SPANXN3: variants seen among roughly 807,000 people sequenced by gnomAD.
SPANXN3 encodes the protein sperm protein associated with the nucleus on the X chromosome N3.
Under a neutral mutation model 1.9 loss-of-function variants are expected in SPANXN3, and 1 was observed. The ratio of observed to expected loss-of-function variants is 0.54; its 90% CI spans 0.19 to 2.54. The LOEUF is 2.54. Ranked by LOEUF, SPANXN3 falls within the 30% of genes most tolerant of loss-of-function variation. The pLI is 0.24. For missense variants in SPANXN3, 113 were observed against 96.2 expected (o/e 1.17, Z -0.73); for synonymous variants, 47 against 40.0 (o/e 1.17, Z -0.66).
chrX:143,508,895 C>G lies in SPANXN3; in HGVS notation c.346G>C (p.Asp116His). ...EGPSKEDKDL[D>H]SSEGSSQEDE... is the part of the protein sequence containing the mutation. ...TCCTGTGAGGATCCTTCAGATGAGT[C>G]TAGATCTTTGTCCTCCTTTGAAGGT... Residue 116 changes from aspartate (D) to histidine (H), a missense_variant, in exon 2 of 2, where the codon GAC (aspartate) becomes CAC (histidine). Transcript: ENST00000370503. 1 of 1,211,699 alleles carries G rather than the reference C, an allele frequency of 8.3e-7. No individual in the cohort carries two copies. The highest frequency in any genetic ancestry group is 1.1e-6 in the Non-Finnish European group (1 of 895,421).
At position 143,517,430 on chromosome X, in the gene SPANXN3, G is replaced by T. The variant is rs782488830; in HGVS notation, c.-39C>A. On this transcript the variant is annotated 5_prime_UTR_variant, in exon 1 of 2. Transcript: ENST00000370503. ...TGTAGAATGTCTATAGTAGGCTCCT[G>T]TAGACTGCAGACTTCCACAGCTATG... 6.8e-6 allele frequency: 8 copies of T among 1,174,719 alleles called. No individual in the cohort carries two copies. The African/African-American group carries it at 1.4e-4, about 21-fold the overall frequency.
chrX:143,509,501 C>T, intron 1 of SPANXN3: 1 of 220,225 alleles, frequency 4.5e-6, no homozygotes, highest in Non-Finnish European at 8.2e-6. Flanking sequence ...AGAAACATCC[C>T]TATCATAAGT....
chrX:143,512,282 G>A (rs190624066), intron 1 of SPANXN3, among the ~76,000 whole-genome samples: 1 of 111,290 alleles, frequency 9.0e-6, no homozygotes, highest in Non-Finnish European at 1.9e-5. Flanking sequence ...TAATTCTAAA[G>A]CTTGGAATGT....
At chrX:143,513,480 G>A (rs1233954985) in intron 1 of SPANXN3, among the ~76,000 whole-genome samples, 5 of 111,719 alleles carry the variant, frequency 4.5e-5, no homozygotes, top group South Asian at 3.8e-4. Flanking sequence ...TTAGAGGCAC[G>A]GAAACTCCCT....
chrX:143,514,296 T>A (rs1556412161), intron 1 of SPANXN3, among the ~76,000 whole-genome samples: 1 of 110,237 alleles, frequency 9.1e-6, no homozygotes. Flanking sequence ...TTGATCTCAG[T>A]GATAAAGTGT....
intron 1 of SPANXN3, among the ~76,000 whole-genome samples, chrX:143,513,850 A>T (rs1198328632): frequency 8.9e-6 from 1 of 112,057 alleles, no homozygotes; most frequent in Admixed American, 9.4e-5. Flanking sequence ...ATAAACTCCT[A>T]GAATCCAATG....
intron 1 of SPANXN3, chrX:143,510,278 C>A (rs1361309584): frequency 9.0e-6 from 1 of 110,935 alleles, no homozygotes; most frequent in Admixed American, 9.6e-5. Flanking sequence ...AGAGGTCTCC[C>A]CAGTCACCAG....
rs1929027886 is a variant in SPANXN3, at chrX:143,509,031, A to G, written c.210T>C (p.Asn70=). Residue 70 remains asparagine (N), a synonymous_variant, in exon 2 of 2, where the codon AAT becomes AAC. Transcript: ENST00000370503. ...TGATGGAGTTCTCTTGGGACTGTTC[A>G]TTCTCCAGTTGATTTGAATTTATTT... The part of the protein sequence containing the change: ...GKKINSNQLE[N]EQSQENSINP... The G allele has an allele frequency of 8.3e-7, 1 of 1,211,742 alleles. No individual in the cohort carries two copies. The highest frequency in any genetic ancestry group is 1.8e-5 in the South Asian group (1 of 57,001).
chrX:143,517,404 T>C lies in SPANXN3; in HGVS notation c.-13A>G. Reference sequence around the variant, plus strand: ...TTGGCTGTTCCATGATTCTGGTTGGTTGTAGAATGTCTATAGTAGGCTCCT... The same window carrying C: ...TTGGCTGTTCCATGATTCTGGTTGGCTGTAGAATGTCTATAGTAGGCTCCT... On this transcript the variant is annotated 5_prime_UTR_variant, in exon 1 of 2. Transcript: ENST00000370503. The C allele has an allele frequency of 8.3e-7, 1 of 1,208,939 alleles. No homozygotes were observed. The highest frequency in any genetic ancestry group is 1.1e-6 in the Non-Finnish European group (1 of 893,000).
intron 1 of SPANXN3, among the ~76,000 whole-genome samples, chrX:143,511,617 A>G (rs375844154): frequency 1.3e-4 from 15 of 111,827 alleles, no homozygotes; most frequent in South Asian, 3.8e-4. Flanking sequence ...TCAAATGCTG[A>G]TAGCTGCCAC....
chrX:143,513,353 T>C (rs1929140617), intron 1 of SPANXN3, among the ~76,000 whole-genome samples: 1 of 112,257 alleles, frequency 8.9e-6, no homozygotes, highest in African/African-American at 3.2e-5. Context: ...CTGCCAAACA[T>C]ACGGCAACGC....
intron 1 of SPANXN3, among the ~76,000 whole-genome samples, chrX:143,510,946 A>G (rs149729460): frequency 0.036 from 3,949 of 110,824 alleles, 170 homozygotes; most frequent in African/African-American, 0.12. Context: ...AGGCCTTCCA[A>G]AGTCTTTCCC....
intron 1 of SPANXN3, among the ~76,000 whole-genome samples, chrX:143,514,650 G>A (rs1337547595): frequency 9.0e-6 from 1 of 111,013 alleles, no homozygotes; most frequent in Non-Finnish European, 1.9e-5. Context: ...CCACCGAAAA[G>A]GCACAGACCA....
At position 143,517,433 on chromosome X, in the gene SPANXN3, G is replaced by T; in HGVS notation, c.-42C>A. 1 of 1,176,730 alleles carries T rather than the reference G, an allele frequency of 8.5e-7. No individual in the cohort carries two copies. Among genetic ancestry groups the T allele is most frequent in the Non-Finnish European group, 1.2e-6 (1 of 864,709 alleles). On this transcript the variant is annotated 5_prime_UTR_variant, in exon 1 of 2. Coordinates refer to ENST00000370503, the MANE Select transcript of SPANXN3 (RefSeq NM_001009609.4). ...AGAATGTCTATAGTAGGCTCCTGTA[G>T]ACTGCAGACTTCCACAGCTATGTTG...
chrX:143,516,206 CA>C (rs1929212333), intron 1 of SPANXN3, among the ~76,000 whole-genome samples: 1 of 112,410 alleles, frequency 8.9e-6, no homozygotes, highest in African/African-American at 3.2e-5. Flanking sequence ...GGCAGCTATT[CA>C]ACTTGGAAAA....
intron 1 of SPANXN3, among the ~76,000 whole-genome samples, chrX:143,516,276 G>A (rs1929213671): frequency 8.9e-6 from 1 of 112,265 alleles, no homozygotes; most frequent in Non-Finnish European, 1.9e-5. Context: ...CTCATGGCTT[G>A]CCACCATAAC....
At chrX:143,515,276 G>A (rs1929189970) in intron 1 of SPANXN3, among the ~76,000 whole-genome samples, 1 of 110,733 alleles carries the variant, frequency 9.0e-6, no homozygotes, top group South Asian at 3.9e-4. Context: ...ACTAAAAAGA[G>A]CACCAGACCC....
chrX:143,515,654 T>A (rs1190582759), intron 1 of SPANXN3, among the ~76,000 whole-genome samples: 2 of 109,441 alleles, frequency 1.8e-5, no homozygotes, highest in Non-Finnish European at 3.8e-5. Flanking sequence ...GCCTCACACC[T>A]TTCCTCTTAA....
chrX:143,511,178 G>T (rs782298574), intron 1 of SPANXN3, among the ~76,000 whole-genome samples: 224 of 110,673 alleles, frequency 2.0e-3, no homozygotes, highest in Non-Finnish European at 3.3e-3. Flanking sequence ...ATTTACGGGT[G>T]CCCAGGTCCA....
Sources: allele counts gnomAD v4.1 joint callset (sites outside exome capture counted in the v4.1 genomes callset), GRCh38; gene constraint gnomAD v4.1.1; transcripts MANE v1.5; gene names NCBI Gene and HGNC (gene_info 2026-07-23, HGNC 2026-07-21).